Variants in CAST observed in about 807,000 individuals in gnomAD.
CAST encodes MIR583 host.
Under a neutral mutation model 119.6 loss-of-function variants are expected in CAST, and 76 were observed. That is an observed-to-expected ratio of 0.64 (90% CI 0.53 to 0.77). The LOEUF (loss-of-function observed/expected upper bound fraction) is 0.77, where lower values mean the gene tolerates loss of function less well. Among genes scored for constraint, CAST ranks in the 30% least tolerant of loss-of-function variants. CAST has a pLI of 0.00. For synonymous variants in CAST, 319 were observed against 331.6 expected (o/e 0.96, Z 0.41); for missense variants, 953 against 946.5 (o/e 1.01, Z -0.09).
chr5:96,675,136 C>T (rs1167230830), intron 1 of CAST, among the ~76,000 whole-genome samples: 2 of 152,086 alleles, frequency 1.3e-5, no homozygotes, highest in Non-Finnish European at 2.9e-5. Context: ...TAGGGAATTC[C>T]CTTGGAGGAC....
At position 96,700,537 on chromosome 5, in the gene CAST, C is replaced by A. The variant is rs559614696; in HGVS notation, c.210+4630C>A. 5.9e-5 allele frequency among the ~76,000 whole-genome samples: 9 copies of A among 152,284 alleles called. No individual in the cohort carries two copies. The East Asian group carries it at 1.5e-3, about 26-fold the overall frequency. On this transcript the variant is annotated intron_variant, in intron 3 of 31. Coordinates refer to ENST00000675179, the MANE Select transcript of CAST (RefSeq NM_001750.7). ...GGAAGTCCAGGATGAGGCTGAGATT[C>A]TGCTTTTCTAACAAGCTTCCAGTGG...
intron 3 of CAST, among the ~76,000 whole-genome samples, chr5:96,703,570 A>G (rs1454494164): frequency 3.9e-5 from 6 of 152,226 alleles, no homozygotes; most frequent in Non-Finnish European, 8.8e-5. Flanking sequence ...CTGTATGGTT[A>G]GGGACCCGGC....
the CAST span, among the ~76,000 whole-genome samples, chr5:96,435,416 T>A: frequency 6.6e-6 from 1 of 152,218 alleles, no homozygotes; most frequent in African/African-American, 2.4e-5. Flanking sequence ...TTGTCTGATT[T>A]TTATCCTATG....
chr5:96,191,315 G>A, the CAST span, among the ~76,000 whole-genome samples: 1 of 152,130 alleles, frequency 6.6e-6, no homozygotes, highest in Non-Finnish European at 1.5e-5. Flanking sequence ...AATATTAACA[G>A]ACACTTGAGG....
chr5:96,743,315 C>G (rs372490425), intron 16 of CAST, among the ~76,000 whole-genome samples: 1 of 152,174 alleles, frequency 6.6e-6, no homozygotes, highest in Admixed American at 6.5e-5. Flanking sequence ...AAGCTTACAT[C>G]TGGTGTACGA....
intron 1 of CAST, among the ~76,000 whole-genome samples, chr5:96,615,659 G>GA (rs1040101758): frequency 1.3e-5 from 2 of 152,232 alleles, no homozygotes; most frequent in Admixed American, 1.3e-4. Context: ...AGTGAGTAGG[G>GA]AATCAGGAGA....
chr5:96,593,983 T>C (rs1254680825), intron 1 of CAST, among the ~76,000 whole-genome samples: 1 of 152,232 alleles, frequency 6.6e-6, no homozygotes, highest in Admixed American at 6.5e-5. Flanking sequence ...TTCGCATAAA[T>C]AATTTGCAAT....
At chr5:96,061,750 T>G in the CAST span, among the ~76,000 whole-genome samples, 1 of 151,664 alleles carries the variant, frequency 6.6e-6, no homozygotes, top group Non-Finnish European at 1.5e-5. Context: ...GTCAGGGACA[T>G]AGAAAGAGAA....
chr5:96,670,417 T>C (rs1749909445), intron 1 of CAST, among the ~76,000 whole-genome samples: 1 of 152,226 alleles, frequency 6.6e-6, no homozygotes, highest in African/African-American at 2.4e-5. Flanking sequence ...CATTTCATAC[T>C]CTTTTCACAG....
At chr5:96,288,109 T>C in the CAST span, among the ~76,000 whole-genome samples, 2 of 152,158 alleles carry the variant, frequency 1.3e-5, no homozygotes, top group African/African-American at 4.8e-5. Flanking sequence ...AGGGCTTTGG[T>C]TTTTAAATTG....
chr5:96,278,025 A>T, the CAST span, among the ~76,000 whole-genome samples: 1 of 152,014 alleles, frequency 6.6e-6, no homozygotes, highest in Non-Finnish European at 1.5e-5. Context: ...CTTAATTTTG[A>T]ATTAAAATAG....
chr5:96,183,755 G>T, the CAST span, among the ~76,000 whole-genome samples: 1 of 152,108 alleles, frequency 6.6e-6, no homozygotes, highest in Non-Finnish European at 1.5e-5. Context: ...GATACAATGG[G>T]ACATATTGAA....
intron 1 of CAST, among the ~76,000 whole-genome samples, chr5:96,540,522 CA>C (rs1270162101): frequency 1.3e-5 from 2 of 152,170 alleles, no homozygotes; most frequent in African/African-American, 4.8e-5. Flanking sequence ...CCCACATATA[CA>C]GTTTCTCTAT....
chr5:96,167,867 C>T, the CAST span, among the ~76,000 whole-genome samples: 10 of 152,080 alleles, frequency 6.6e-5, no homozygotes, highest in Admixed American at 1.3e-4. Context: ...GCCAAATGCC[C>T]GAGCTTCATG....
chr5:96,583,158 T>G (rs971578549), intron 1 of CAST, among the ~76,000 whole-genome samples: 4 of 152,132 alleles, frequency 2.6e-5, no homozygotes, highest in Non-Finnish European at 5.9e-5. Context: ...TTATTAAACT[T>G]AGAGCATTTA....
chr5:96,068,102 A>G, the CAST span, among the ~76,000 whole-genome samples: 1 of 152,182 alleles, frequency 6.6e-6, no homozygotes, highest in East Asian at 1.9e-4. Context: ...ACAGAGGGTC[A>G]TGGCTGGCCT....
intron 2 of CAST, among the ~76,000 whole-genome samples, chr5:96,691,560 C>T (rs1288959767): frequency 6.6e-6 from 1 of 152,200 alleles, no homozygotes; most frequent in East Asian, 1.9e-4. Flanking sequence ...CAGTCTGTTC[C>T]ATTGCTACCT....
At chr5:96,551,626 A>G (rs1466182868) in intron 1 of CAST, among the ~76,000 whole-genome samples, 1 of 152,172 alleles carries the variant, frequency 6.6e-6, no homozygotes, top group Non-Finnish European at 1.5e-5. Context: ...AGACTGGCAA[A>G]TTGGATAAAG....
At chr5:96,091,765 A>T in the CAST span, among the ~76,000 whole-genome samples, 1 of 152,156 alleles carries the variant, frequency 6.6e-6, no homozygotes, top group East Asian at 1.9e-4. Context: ...CAGCCTCCCA[A>T]AGTGCTGGGA....
Sources: allele counts gnomAD v4.1 joint callset (sites outside exome capture counted in the v4.1 genomes callset), GRCh38; gene constraint gnomAD v4.1.1; transcripts MANE v1.5; gene names NCBI Gene and HGNC (gene_info 2026-07-23, HGNC 2026-07-21).